The following PCDH15 variants were observed in gnomAD, a reference collection of about 807,000 sequenced individuals.
The protein encoded by PCDH15 is protocadherin related 15.
PCDH15 carries 129 observed loss-of-function variants against 178.5 expected under a neutral mutation model. That is an observed-to-expected ratio of 0.72 (90% CI 0.63 to 0.84). The LOEUF (loss-of-function observed/expected upper bound fraction) is 0.84. Among genes scored for constraint, PCDH15 ranks in the 40% least tolerant of loss-of-function variants. PCDH15 has a pLI of 0.00. For synonymous variants in PCDH15, 800 were observed against 732.0 expected (o/e 1.09, Z -1.50); for missense variants, 2,230 against 2,099.9 (o/e 1.06, Z -1.21).
chr10:55,454,008 C>A (rs1047371130), intron 2 of PCDH15, among the ~76,000 whole-genome samples: 4 of 151,574 alleles, frequency 2.6e-5, no homozygotes, highest in African/African-American at 9.7e-5. Flanking sequence ...TATAAAACAC[C>A]AGAGAAGAGA....
chr10:55,257,156 C>G (rs1842022300), intron 1 of PCDH15, among the ~76,000 whole-genome samples: 1 of 152,192 alleles, frequency 6.6e-6, no homozygotes, highest in African/African-American at 2.4e-5. Flanking sequence ...AGACTTGCAG[C>G]TGAGGGTCCT....
chr10:54,214,136 A>G, intron 9 of PCDH15, 88 bp from the exon 10 acceptor site: 1 of 747,814 alleles, frequency 1.3e-6, no homozygotes, highest in South Asian at 1.4e-5. Context: ...TCAGCTGAGG[A>G]ACAAAGCTAC....
In PCDH15 at chr10:55,580,358, T is replaced by A. The variant is rs542388427; in HGVS notation, c.-156+47267A>T. On this transcript the variant is annotated intron_variant, in intron 2 of 5. Transcript: ENST00000613346. ...TGGCTTCTTCATTTTTTTTATTTTT[T>A]TATTTTTTTTTTTTTTTGAGACGAA... Among the ~76,000 whole-genome samples, 26 of 139,368 alleles carry A rather than the reference T, an allele frequency of 1.9e-4. No individual in the cohort carries two copies. In the South Asian group the frequency reaches 4.9e-3, roughly 26 times the overall value. The allele number at this position is 139,368 out of a possible 152,430, so 91.4% of individuals were successfully genotyped here.
rs541515122 is a variant in PCDH15, at chr10:53,938,210, G to A, written c.3373+605C>T. ...ATGTTGAAGTTCGGAGTCACAGAAC[G>A]TGGGCTTAAATCTGTGACGCTTTGT... On this transcript the variant is annotated intron_variant, in intron 25 of 37. Coordinates refer to ENST00000644397, the MANE Select transcript of PCDH15 (RefSeq NM_001384140.1). Among the ~76,000 whole-genome samples the A allele has an allele frequency of 2.0e-5, 3 of 152,112 alleles. No individual in the cohort carries two copies. The East Asian group carries it at 5.8e-4, about 29-fold the overall frequency.
chr10:54,698,742 A>G (rs1300275654), intron 1 of PCDH15, among the ~76,000 whole-genome samples: 1 of 152,130 alleles, frequency 6.6e-6, no homozygotes, highest in Non-Finnish European at 1.5e-5. Flanking sequence ...AAATGTTCTA[A>G]CATTATGCCT....
At chr10:55,057,401 G>T (rs938214715) in intron 2 of PCDH15, among the ~76,000 whole-genome samples, 1 of 151,966 alleles carries the variant, frequency 6.6e-6, no homozygotes, top group African/African-American at 2.4e-5. Flanking sequence ...TTTGAATTTT[G>T]TCATTATTTT....
intron 1 of PCDH15, among the ~76,000 whole-genome samples, chr10:54,756,528 C>T (rs1947148647): frequency 6.6e-6 from 1 of 152,062 alleles, no homozygotes; most frequent in Admixed American, 6.6e-5. Flanking sequence ...AAATCTGTAC[C>T]CTAATGAGTA....
intron 2 of PCDH15, among the ~76,000 whole-genome samples, chr10:55,425,972 T>C (rs1299743036): frequency 6.6e-6 from 1 of 152,186 alleles, no homozygotes; most frequent in Non-Finnish European, 1.5e-5. Context: ...TAAAATGGTA[T>C]AGTCATAGCA....
chr10:55,617,831 CT>C (rs1277688570), intron 2 of PCDH15, among the ~76,000 whole-genome samples: 2 of 151,960 alleles, frequency 1.3e-5, no homozygotes, highest in Non-Finnish European at 2.9e-5. Context: ...CAGTCATCAG[CT>C]TTTAGAACAT....
intron 8 of PCDH15, among the ~76,000 whole-genome samples, chr10:54,265,818 A>G (rs1392815491): frequency 6.6e-6 from 1 of 152,024 alleles, no homozygotes; most frequent in African/African-American, 2.4e-5. Flanking sequence ...ACAGCCCCTC[A>G]GTAATAACTG....
intron 1 of PCDH15, among the ~76,000 whole-genome samples, chr10:54,708,269 A>G (rs2095387774): frequency 6.6e-6 from 1 of 152,176 alleles, no homozygotes; most frequent in Admixed American, 6.6e-5. Context: ...ATAAATCACT[A>G]TGGCAACATT....
At chr10:55,174,685 G>A (rs1048573831) in intron 1 of PCDH15, among the ~76,000 whole-genome samples, 6 of 152,152 alleles carry the variant, frequency 3.9e-5, no homozygotes, top group Non-Finnish European at 5.9e-5. Flanking sequence ...TCCAGCAGGC[G>A]AGTCCAGTTT....
intron 2 of PCDH15, among the ~76,000 whole-genome samples, chr10:55,040,328 G>T (rs934303258): frequency 6.6e-6 from 1 of 152,050 alleles, no homozygotes; most frequent in Admixed American, 6.6e-5. Flanking sequence ...TGAAAGAATG[G>T]TGGGCACTCT....
intron 2 of PCDH15, chr10:54,600,417 C>T: frequency 1.7e-6 from 1 of 572,922 alleles, no homozygotes; most frequent in South Asian, 1.4e-5. Context: ...AGGAGTAAGA[C>T]ATTGTCACCA....
intron 2 of PCDH15, among the ~76,000 whole-genome samples, chr10:55,479,119 G>A (rs1327053830): frequency 6.6e-6 from 1 of 151,276 alleles, no homozygotes; most frequent in African/African-American, 2.4e-5. Context: ...AGAGTGGAAA[G>A]AATTCTTCCA....
At chr10:54,088,213 T>C (rs1291417365) in intron 16 of PCDH15, among the ~76,000 whole-genome samples, 8 of 152,194 alleles carry the variant, frequency 5.3e-5, no homozygotes, top group Non-Finnish European at 7.3e-5. Flanking sequence ...TAGTCATACC[T>C]GGTTTTGCCT....
chr10:54,574,581 A>G (rs2090244071), intron 2 of PCDH15, among the ~76,000 whole-genome samples: 1 of 143,892 alleles, frequency 6.9e-6, no homozygotes, highest in Non-Finnish European at 1.5e-5. Context: ...AGAGAAATGC[A>G]AATCAAAACC....
chr10:55,460,726 A>G (rs1268123333), intron 2 of PCDH15, among the ~76,000 whole-genome samples: 2 of 152,068 alleles, frequency 1.3e-5, no homozygotes, highest in Admixed American at 6.6e-5. Flanking sequence ...GTATTATCTC[A>G]TTATGGGTCA....
At chr10:54,190,973 G>A (rs1208077980) in intron 11 of PCDH15, among the ~76,000 whole-genome samples, 1 of 152,134 alleles carries the variant, frequency 6.6e-6, no homozygotes, top group Non-Finnish European at 1.5e-5. Context: ...AAGAAAACTG[G>A]TTTCAACTCA....
Sources: allele counts gnomAD v4.1 joint callset (sites outside exome capture counted in the v4.1 genomes callset), GRCh38; gene constraint gnomAD v4.1.1; transcripts MANE v1.5; gene names NCBI Gene and HGNC (gene_info 2026-07-23, HGNC 2026-07-21).